TLE3: variants seen among roughly 807,000 people sequenced by gnomAD.
The protein encoded by TLE3 is transducin-like enhancer protein 3.
In TLE3, 14 loss-of-function variants were observed where a neutral mutation model predicts 93.0. The ratio of observed to expected loss-of-function variants is 0.15; its 90% confidence interval spans 0.10 to 0.24. The LOEUF (loss-of-function observed/expected upper bound fraction) is 0.24, where lower values mean the gene tolerates loss of function less well. Ranked by LOEUF, TLE3 falls within the 10% of genes least tolerant of loss-of-function variation. TLE3 has a pLI of 1.00. For synonymous variants in TLE3, 451 were observed against 425.0 expected, an observed-to-expected ratio of 1.06 and a Z score of -0.75; for missense variants, 693 against 1,046.6, an observed-to-expected ratio of 0.66 and a Z score of 4.66.
intron 4 of TLE3, among the ~76,000 whole-genome samples, chr15:70,088,331 C>G (rs1327520158): frequency 6.6e-6 from 1 of 152,222 alleles, no homozygotes; most frequent in African/African-American, 2.4e-5. Flanking sequence ...AAATATTCCC[C>G]GCTTACATGG....
At chr15:70,078,906 C>T (rs2057595022) in intron 4 of TLE3, among the ~76,000 whole-genome samples, 1 of 152,160 alleles carries the variant, frequency 6.6e-6, no homozygotes, top group East Asian at 1.9e-4. Context: ...CACTGGTAAA[C>T]AGGCCAAGGG....
At chr15:70,062,374 C>T (rs568765844) in intron 8 of TLE3, among the ~76,000 whole-genome samples, 1 of 152,300 alleles carries the variant, frequency 6.6e-6, no homozygotes, top group South Asian at 2.1e-4. Context: ...CCCTTGCAGG[C>T]GGGCGGGCAG....
At chr15:70,092,535 T>C (rs768340292) in intron 4 of TLE3, among the ~76,000 whole-genome samples, 1 of 152,168 alleles carries the variant, frequency 6.6e-6, no homozygotes, top group Non-Finnish European at 1.5e-5. Flanking sequence ...TCCTCACCTA[T>C]AAACAGGGGG....
chr15:70,058,926 G>T lies in TLE3; in HGVS notation c.766-111C>A. 7.2e-7 allele frequency: 1 copy of T among 1,388,392 alleles called. No individual in the cohort carries two copies. Among genetic ancestry groups the T allele is most frequent in the Non-Finnish European group, 9.4e-7 (1 of 1,060,322 alleles). 86.0% of individuals were successfully genotyped at this position (1,388,392 alleles called of 1,614,324 possible). On this transcript the variant is annotated intron_variant, in intron 10 of 19. Transcript: ENST00000451782. The surrounding 1 kb of genome is among the most constrained non-coding windows in gnomAD (Gnocchi z 4.1). The stretch of plus-strand genomic sequence containing the variant: ...CATGGGCGATGGGAAGACGAGCTTG[G>T]CTGAAAGACTGGGGGCCCCACAGTG...
intron 16 of TLE3, 130 bp downstream of exon 16, chr15:70,054,308 C>T: frequency 1.5e-6 from 2 of 1,347,946 alleles, no homozygotes; most frequent in East Asian, 2.3e-5. Flanking sequence ...ACCTGTGCAT[C>T]CCTCATCCCA....
At chr15:70,085,103 A>C (rs2057981322) in intron 4 of TLE3, among the ~76,000 whole-genome samples, 1 of 152,228 alleles carries the variant, frequency 6.6e-6, no homozygotes, top group African/African-American at 2.4e-5. Flanking sequence ...AAGAGTGCAG[A>C]CATACAGCAT....
chr15:70,068,555 T>G (rs1007069857), intron 6 of TLE3, among the ~76,000 whole-genome samples: 8 of 152,220 alleles, frequency 5.3e-5, no homozygotes, highest in Non-Finnish European at 1.5e-5. Context: ...AATCCACATT[T>G]TATAGTGCAG....
At chr15:70,057,164 C>A (rs753440810) in intron 13 of TLE3, among the ~76,000 whole-genome samples, 10 of 152,354 alleles carry the variant, frequency 6.6e-5, no homozygotes, top group African/African-American at 2.2e-4. Flanking sequence ...TCCTACCCCC[C>A]AGAGCTGGGA....
At chr15:70,084,247 T>C (rs2057934373) in intron 4 of TLE3, among the ~76,000 whole-genome samples, 2 of 152,212 alleles carry the variant, frequency 1.3e-5, no homozygotes, top group South Asian at 2.1e-4. Context: ...TCTCAACCAA[T>C]AGTAATTGTT....
chr15:70,074,118 A>G (rs1250761215), intron 6 of TLE3, among the ~76,000 whole-genome samples: 1 of 152,268 alleles, frequency 6.6e-6, no homozygotes, highest in Non-Finnish European at 1.5e-5. Flanking sequence ...TTCTGATCCC[A>G]GGTGGCCAAA....
chr15:70,065,015 CTG>C (rs933736855), intron 7 of TLE3, among the ~76,000 whole-genome samples: 14 of 151,988 alleles, frequency 9.2e-5, no homozygotes, highest in African/African-American at 3.4e-4. Context: ...GCCTCTGAAA[CTG>C]TGCCCAGCTA....
intron 4 of TLE3, among the ~76,000 whole-genome samples, chr15:70,091,030 A>G (rs1306000250): frequency 6.6e-6 from 1 of 152,238 alleles, no homozygotes; most frequent in East Asian, 1.9e-4. Context: ...TTGGAAGGGA[A>G]GCAGCAGTAG....
In TLE3 at chr15:70,095,623, G is replaced by T; in HGVS notation, c.144C>A (p.Asp48Glu). The T allele has an allele frequency of 6.4e-7, 1 of 1,551,574 alleles. No homozygotes were observed. The highest frequency in any genetic ancestry group is 2.4e-5 in the East Asian group (1 of 40,882). Residue 48 changes from aspartate (D) to glutamate (E), a missense_variant, in exon 3 of 20, where the codon GAC (aspartate) becomes GAA (glutamate). Transcript: ENST00000451782. ...AQYHSLKVEYDKLANEKTEMQ... is the reference protein window; with the variant it reads ...AQYHSLKVEYEKLANEKTEMQ... ...TCTCCGTCTTCTCGTTTGCCAGCTT[G>T]TCGTACTCCACTTTGAGGCTGCGAG... is the stretch of plus-strand genomic sequence containing the variant.
chr15:70,060,530 G>A lies in TLE3; in HGVS notation c.714C>T (p.Tyr238=), dbSNP rs202125426. The A allele has an allele frequency of 2.9e-5, 46 of 1,613,778 alleles. No homozygotes were observed. In the East Asian group the frequency reaches 7.4e-4, roughly 26 times the overall value. Residue 238 remains tyrosine, a splice_region_variant and synonymous_variant, in exon 9 of 20, where the codon TAC becomes TAT. Coordinates refer to ENST00000451782, the MANE Select transcript of TLE3 (RefSeq NM_001105192.3). ...KAEEKDSLSR[Y]DSDGDKSDDL... Reference sequence around the variant, plus strand: ...TGGTGCCATGGCGCCTTGGACGTACGTATCGGCTCAAGCTGTCCTTCTCCT... The same window carrying A: ...TGGTGCCATGGCGCCTTGGACGTACATATCGGCTCAAGCTGTCCTTCTCCT...
intron 17 of TLE3, 154 bp from the exon 18 acceptor site, chr15:70,052,678 C>G (rs1051954895): frequency 4.3e-5 from 31 of 717,632 alleles, no homozygotes; most frequent in Non-Finnish European, 5.9e-5. Context: ...TTTTCCATCC[C>G]CATTTTATAG....
chr15:70,059,223 C>T (rs2056301998), intron 10 of TLE3, among the ~76,000 whole-genome samples, 187 bp downstream of exon 10: 1 of 152,102 alleles, frequency 6.6e-6, no homozygotes, highest in Non-Finnish European at 1.5e-5. Context: ...CCATAAATGC[C>T]CAGACACCAT....
At chr15:70,056,076 G>A in intron 14 of TLE3, 2 of 618,224 alleles carry the variant, frequency 3.2e-6, no homozygotes, top group Non-Finnish European at 5.8e-6. Flanking sequence ...TGGCTCCTCT[G>A]TCGGAGGGAG....
intron 9 of TLE3, among the ~76,000 whole-genome samples, chr15:70,059,760 C>G (rs1303824952): frequency 6.6e-6 from 1 of 152,226 alleles, no homozygotes; most frequent in African/African-American, 2.4e-5. Context: ...ACAGCCTGCC[C>G]TTCTGCTTCT....
rs1655367437 is a variant in TLE3 at position 70,048,270 on chromosome 15, T to C, written c.*1827A>G. The stretch of plus-strand genomic sequence containing the variant: ...GTACAATGACTTTTCATTCTTTTTT[T>C]CTTCGGGAATAACTTTCTTCTACCC... On this transcript the variant is annotated 3_prime_UTR_variant, in exon 20 of 20. Coordinates refer to ENST00000451782, the MANE Select transcript of TLE3 (RefSeq NM_001105192.3). The C allele has an allele frequency of 6.6e-6, 1 of 152,214 alleles. No homozygotes were observed. The highest frequency in any genetic ancestry group is 6.5e-5 in the Admixed American group (1 of 15,286). 9.4% of individuals were successfully genotyped at this position (152,214 alleles called of 1,614,324 possible). A position where few individuals can be genotyped will look rare whatever the true frequency, so the allele number is the denominator to read the frequency against.
Sources: gnomAD v4.1 joint callset for allele counts (sites outside exome capture counted in the v4.1 genomes callset) on GRCh38, gnomAD v4.1.1 for gene constraint, Gnocchi (gnomAD v3.1) non-coding constraint, MANE v1.5 for transcripts, NCBI Gene and HGNC (gene_info 2026-07-23, HGNC 2026-07-21) for gene names.